ZHX2: variants seen among roughly 807,000 people sequenced by gnomAD.
ZHX2 encodes zinc fingers and homeoboxes protein 2.
ZHX2 carries 6 observed loss-of-function variants against 21.9 expected under a neutral mutation model. That is an observed-to-expected ratio of 0.27 (90% confidence interval 0.15 to 0.54). The LOEUF (loss-of-function observed/expected upper bound fraction) is 0.54. Ranked by LOEUF, ZHX2 falls within the 20% of genes least tolerant of loss-of-function variation. ZHX2 has a pLI of 0.95. For synonymous variants in ZHX2, 434 were observed against 437.1 expected (o/e 0.99, Z 0.09); for missense variants, 908 against 1,090.7 (o/e 0.83, Z 2.36).
chr8:122,960,237 A>G (rs1813409443), intron 3 of ZHX2, among the ~76,000 whole-genome samples: 1 of 152,006 alleles, frequency 6.6e-6, no homozygotes, highest in African/African-American at 2.4e-5. Flanking sequence ...TTTAGGGGAC[A>G]CTCCCTAAAG....
chr8:122,924,481 A>G (rs576348934), intron 2 of ZHX2, among the ~76,000 whole-genome samples: 18 of 152,312 alleles, frequency 1.2e-4, no homozygotes, highest in Admixed American at 7.2e-4. Context: ...CTAGGGGTTA[A>G]GACTTTGACA....
rs553092905 is a variant in ZHX2, at chr8:122,813,154, C to A, written c.-283+31208C>A. Among the ~76,000 whole-genome samples the A allele has an allele frequency of 4.5e-4, 68 of 151,248 alleles. 1 individual carries two copies. Among genetic ancestry groups the A allele is most frequent in the African/African-American group, 1.6e-3 (66 of 41,120 alleles). ...GAGGTTGTGGTGAGCCAAGATCACGCCACTGTACTCCAGCCTGGGCAACAA... is the reference window on the plus strand; with the variant it reads ...GAGGTTGTGGTGAGCCAAGATCACGACACTGTACTCCAGCCTGGGCAACAA... On this transcript the variant is annotated intron_variant, in intron 1 of 3. Coordinates refer to ENST00000314393, the MANE Select transcript of ZHX2 (RefSeq NM_014943.5).
At chr8:122,849,957 C>G (rs980414264) in intron 1 of ZHX2, among the ~76,000 whole-genome samples, 2 of 152,196 alleles carry the variant, frequency 1.3e-5, no homozygotes, top group African/African-American at 2.4e-5. Flanking sequence ...CTACGATCAT[C>G]ATCACCATCA....
At chr8:122,855,424 C>T (rs1253016193) in intron 1 of ZHX2, among the ~76,000 whole-genome samples, 2 of 152,120 alleles carry the variant, frequency 1.3e-5, no homozygotes, top group Non-Finnish European at 2.9e-5. Context: ...CACATAGGCA[C>T]TGGCCGGGTC....
intron 1 of ZHX2, among the ~76,000 whole-genome samples, chr8:122,797,312 G>A (rs1022634959): frequency 2.6e-5 from 4 of 152,152 alleles, no homozygotes; most frequent in Non-Finnish European, 5.9e-5. Context: ...TCAGGCTGCT[G>A]GAGGAGAGGA....
At chr8:122,916,674 A>G (rs1000628115) in intron 2 of ZHX2, among the ~76,000 whole-genome samples, 48 of 151,846 alleles carry the variant, frequency 3.2e-4, no homozygotes, top group African/African-American at 1.1e-3. Flanking sequence ...TTTCCTTCCC[A>G]TATTGTTCTC....
chr8:122,928,521 G>C (rs1820909355), intron 2 of ZHX2, among the ~76,000 whole-genome samples: 1 of 152,148 alleles, frequency 6.6e-6, no homozygotes, highest in South Asian at 2.1e-4. Context: ...AACCAGCATG[G>C]ATTATTACTG....
chr8:122,930,555 A>G (rs1214527611), intron 2 of ZHX2, among the ~76,000 whole-genome samples: 1 of 92,174 alleles, frequency 1.1e-5, no homozygotes, highest in South Asian at 3.7e-4. Flanking sequence ...GTCCTGAGAG[A>G]ATTTTTTTTT....
chr8:122,842,969 T>C (rs1818672424), intron 1 of ZHX2, among the ~76,000 whole-genome samples: 1 of 152,224 alleles, frequency 6.6e-6, no homozygotes, highest in African/African-American at 2.4e-5. Context: ...CAAACCTGCA[T>C]TTCTAACAAA....
intron 1 of ZHX2, among the ~76,000 whole-genome samples, chr8:122,851,435 C>G (rs965265777): frequency 6.6e-6 from 1 of 152,068 alleles, no homozygotes; most frequent in Non-Finnish European, 1.5e-5. Flanking sequence ...AAAGATACCC[C>G]CTGCAGGAGG....
intron 3 of ZHX2, among the ~76,000 whole-genome samples, chr8:122,957,296 CAAA>C (rs34314877): frequency 4.3e-4 from 48 of 110,356 alleles, no homozygotes; most frequent in Middle Eastern, 9.6e-3. Flanking sequence ...GCTGTGTTCA[CAAA>C]AAAAAAAAAA....
chr8:122,916,233 G>A (rs986547702), intron 2 of ZHX2, among the ~76,000 whole-genome samples: 2 of 152,174 alleles, frequency 1.3e-5, no homozygotes, highest in Non-Finnish European at 2.9e-5. Flanking sequence ...GCAACGAGGC[G>A]AGAACAAGAA....
chr8:122,819,367 C>A lies in ZHX2; in HGVS notation c.-283+37421C>A, dbSNP rs142587876. Among the ~76,000 whole-genome samples, 85 of 152,316 alleles carry A rather than the reference C, an allele frequency of 5.6e-4. No homozygotes were observed. The East Asian group carries it at 0.015, about 27-fold the overall frequency. On this transcript the variant is annotated intron_variant, in intron 1 of 3. Transcript: ENST00000314393. ...AAATGCATGGCATAGAGTAAGCATG[C>A]CAGCAGTCCAGACCGTTATTCCCAG... is the stretch of plus-strand genomic sequence containing the variant.
In ZHX2 at chr8:122,782,823, C is replaced by T. The variant is rs1454465535; in HGVS notation, c.-283+877C>T. Among the ~76,000 whole-genome samples the T allele has an allele frequency of 6.6e-6, 1 of 152,196 alleles. No individual in the cohort carries two copies. Among genetic ancestry groups the T allele is most frequent in the South Asian group, 2.1e-4 (1 of 4,836 alleles). ...GCCAGCCCGAGCCCACGTTCGCCCC[C>T]CTGAACGGCAGCTGGCGCTTTTCGT... On this transcript the variant is annotated intron_variant, in intron 1 of 3. Transcript: ENST00000314393. This position sits in a 1 kb window ranked among gnomAD's most constrained non-coding sequence, Gnocchi z 5.3.
At chr8:122,831,287 G>A (rs1474126520) in intron 1 of ZHX2, among the ~76,000 whole-genome samples, 1 of 152,186 alleles carries the variant, frequency 6.6e-6, no homozygotes, top group African/African-American at 2.4e-5. Flanking sequence ...AAAAGGCGGC[G>A]GCCAGAGGGA....
chr8:122,926,043 A>G (rs1586393611), intron 2 of ZHX2, among the ~76,000 whole-genome samples: 1 of 152,152 alleles, frequency 6.6e-6, no homozygotes. Context: ...AACCTCTCCT[A>G]TTAGTGTCCT....
At chr8:122,910,057 C>G (rs1563777778) in intron 2 of ZHX2, among the ~76,000 whole-genome samples, 1 of 151,960 alleles carries the variant, frequency 6.6e-6, no homozygotes, top group Non-Finnish European at 1.5e-5. Context: ...CCTTCCCTCT[C>G]TTGTCCACCC....
chr8:122,938,806 C>G (rs1812768755), intron 2 of ZHX2, among the ~76,000 whole-genome samples: 1 of 152,012 alleles, frequency 6.6e-6, no homozygotes, highest in Non-Finnish European at 1.5e-5. Context: ...CCACTGCACT[C>G]CAGCCTGGGC....
chr8:122,873,884 T>C (rs529182871), intron 2 of ZHX2, among the ~76,000 whole-genome samples: 1 of 152,264 alleles, frequency 6.6e-6, no homozygotes, highest in East Asian at 1.9e-4. Flanking sequence ...AATGGATGCT[T>C]GAGTTTTTCT....
Sources: allele counts gnomAD v4.1 joint callset (sites outside exome capture counted in the v4.1 genomes callset), GRCh38; gene constraint gnomAD v4.1.1; non-coding constraint Gnocchi (gnomAD v3.1); transcripts MANE v1.5; gene names NCBI Gene and HGNC (gene_info 2026-07-23, HGNC 2026-07-21).